Variants in NOBOX observed in about 807,000 individuals in gnomAD.
NOBOX encodes the protein homeobox protein NOBOX.
NOBOX carries 46 observed loss-of-function variants against 60.2 expected under a neutral mutation model. The observed-to-expected ratio is 0.76, with a 90% CI of 0.60 to 0.98. The LOEUF (loss-of-function observed/expected upper bound fraction) is 0.98. NOBOX is among the 50% of genes least tolerant of loss of function. The probability of loss-of-function intolerance (pLI) is 0.00; values close to 1 mark genes in which losing one functional copy is unlikely to be tolerated. For synonymous variants in NOBOX, 360 were observed against 346.3 expected (o/e 1.04, Z -0.44); for missense variants, 880 against 865.5 (o/e 1.02, Z -0.21).
rs1490585093 is a variant in NOBOX at position 144,401,672 on chromosome 7, C to T, written c.293-75G>A. The T allele has an allele frequency of 1.4e-6, 2 of 1,419,226 alleles. No individual in the cohort carries two copies. The highest frequency in any genetic ancestry group is 1.9e-6 in the Non-Finnish European group (2 of 1,064,666). 87.9% of individuals were successfully genotyped at this position (1,419,226 alleles called of 1,614,324 possible). Reference sequence around the variant, plus strand: ...CTGGACCAAGAGGAAGTGCTGCTTCCTGCTTTGCAAACGGTTTGATCTTAA... The same window carrying T: ...CTGGACCAAGAGGAAGTGCTGCTTCTTGCTTTGCAAACGGTTTGATCTTAA... On this transcript the variant is annotated intron_variant, in intron 3 of 9. Transcript: ENST00000467773. The surrounding 1 kb of genome is among the most constrained non-coding windows in gnomAD (Gnocchi z 4.2).
rs981361509 is a variant in NOBOX at position 144,403,841 on chromosome 7, C to T, written c.210+715G>A. 1.0e-3 allele frequency: 359 copies of T among 350,380 alleles called. 1 individual carries two copies. The highest frequency in any genetic ancestry group is 7.2e-3 in the African/African-American group (330 of 45,562). The allele number at this position is 350,380 out of a possible 1,614,324, so 21.7% of individuals were successfully genotyped here. On this transcript the variant is annotated intron_variant, in intron 2 of 9. Transcript: ENST00000467773. ...GGCTGCGCCCCCTCACCCCCACCCC[C>T]ACCCCCAGGGCGAGGCCGGCCCGGG...
At chr7:144,400,745 C>T (rs931420306) in intron 4 of NOBOX, among the ~76,000 whole-genome samples, 2 of 152,146 alleles carry the variant, frequency 1.3e-5, no homozygotes, top group African/African-American at 4.8e-5. Flanking sequence ...ACCATGATGG[C>T]CAGGCTGGTC....
Position 144,404,581 on chromosome 7 carries a change from A to G in NOBOX, c.185T>C (p.Leu62Pro), listed in dbSNP as rs775258475. Residue 62 changes from leucine (L) to proline (P), a missense_variant, in exon 2 of 10, where the codon CTT (leucine) becomes CCT (proline). Leu to Pro is a moderately conservative substitution (Grantham distance 98). Transcript: ENST00000467773. ...TGATTTGAGGGTCTCCAGAGCACAA[A>G]GGCTGCACCGGATGATGAAGAAGGA... 14 of 1,613,612 alleles carry G rather than the reference A, an allele frequency of 8.7e-6. No homozygotes were observed. The highest frequency in any genetic ancestry group is 3.3e-5 in the Admixed American group (2 of 60,026).
In NOBOX at chr7:144,398,406, C is replaced by T. The variant is rs758092022; in HGVS notation, c.1650G>A (p.Thr550=). The stretch of plus-strand genomic sequence containing the variant: ...AGAGAGAGTCTTCGGGCGGTGGAAG[C>T]GTCAGTGAACTGGGCATGGAGAAGG... Residue 550 remains threonine (T), a synonymous_variant, in exon 9 of 10, where the codon ACG becomes ACA. Transcript: ENST00000467773. The T allele has an allele frequency of 2.1e-5, 33 of 1,536,990 alleles. No individual in the cohort carries two copies. Among genetic ancestry groups the T allele is most frequent in the South Asian group, 4.8e-5 (4 of 84,052 alleles).
Position 144,399,426 on chromosome 7 carries a change from G to A in NOBOX, c.1211C>T (p.Pro404Leu). The change falls in exon 7 of 10, where the codon CCT becomes CTT. Residue 404 changes from proline (P) to leucine (L), a missense_variant. By Grantham distance (98) the Pro-to-Leu change is moderately conservative (BLOSUM62 -3). Coordinates refer to ENST00000467773, the MANE Select transcript of NOBOX (RefSeq NM_001080413.3). ...AAAGGTATCCAGAGGGGACTCCTGA[G>A]GGAAAGGGTCAGGCTTTGGCTCCAT... 1 of 1,588,412 alleles carries A rather than the reference G, an allele frequency of 6.3e-7. No homozygotes were observed. The highest frequency in any genetic ancestry group is 8.6e-7 in the Non-Finnish European group (1 of 1,167,210).
intron 1 of NOBOX, among the ~76,000 whole-genome samples, chr7:144,405,869 C>T (rs372910258): frequency 8.6e-5 from 13 of 152,012 alleles, no homozygotes; most frequent in Admixed American, 8.5e-4. Flanking sequence ...AATTTTTGTG[C>T]GTTTCAGAGT....
chr7:144,397,205 C>T (rs1240779884), downstream of NOBOX: 1 of 1,499,042 alleles, frequency 6.7e-7, no homozygotes. Context: ...TCCTATCCCA[C>T]CCAAGCAGCC....
Position 144,399,566 on chromosome 7 carries a change from C to T in NOBOX, c.1155-84G>A, listed in dbSNP as rs900432190. On this transcript the variant is annotated intron_variant, in intron 6 of 9. Coordinates refer to ENST00000467773, the MANE Select transcript of NOBOX (RefSeq NM_001080413.3). ...CTCATTGCCAGGAGAGACACCAATT[C>T]CCAAACTCTGCCTCCTACAGGGCAT... The T allele has an allele frequency of 3.2e-6, 4 of 1,264,230 alleles. No homozygotes were observed. The African/African-American group carries it at 5.9e-5, about 19-fold the overall frequency. 78.3% of individuals were successfully genotyped at this position (1,264,230 alleles called of 1,614,324 possible). A position where few individuals can be genotyped will look rare whatever the true frequency, so the allele number is the denominator to read the frequency against.
Position 144,397,337 on chromosome 7 carries a change from A to C in NOBOX, c.1979T>G (p.Leu660Arg). The C allele has an allele frequency of 6.5e-7, 1 of 1,537,154 alleles. No individual in the cohort carries two copies. The highest frequency in any genetic ancestry group is 8.7e-7 in the Non-Finnish European group (1 of 1,146,882). Reference sequence around the variant, plus strand: ...TGGTGGTTCCTCTTTTGCCTTGCTGAGTAAGGGCCCAGTCCCTGGTCTGGC... The same window carrying C: ...TGGTGGTTCCTCTTTTGCCTTGCTGCGTAAGGGCCCAGTCCCTGGTCTGGC... The change falls in exon 10 of 10, where the codon CTC (leucine) becomes CGC (arginine). Residue 660 changes from leucine to arginine, a missense_variant. Leu to Arg is a moderately radical substitution (Grantham distance 102). Transcript: ENST00000467773.
At chr7:144,407,611 A>G (rs1290148464) in intron 1 of NOBOX, among the ~76,000 whole-genome samples, 1 of 152,258 alleles carries the variant, frequency 6.6e-6, no homozygotes, top group African/African-American at 2.4e-5. Flanking sequence ...GACCGATGAC[A>G]GGGAAAAAGT....
intron 4 of NOBOX, among the ~76,000 whole-genome samples, chr7:144,400,560 C>T (rs935036623): frequency 1.3e-4 from 20 of 152,166 alleles, no homozygotes; most frequent in African/African-American, 2.2e-4. Flanking sequence ...CTTTTTTAGA[C>T]GGAGTCTCAC....
In NOBOX at chr7:144,401,803, T is replaced by A; in HGVS notation, c.292+66A>T. ...GATAACCCAACTTCTTTGAAAAATG[T>A]AGACAAATTTATGCAATTCTGAGAC... On this transcript the variant is annotated intron_variant, in intron 3 of 9. Coordinates refer to ENST00000467773, the MANE Select transcript of NOBOX (RefSeq NM_001080413.3). The surrounding 1 kb of genome is among the most constrained non-coding windows in gnomAD (Gnocchi z 4.2). 8.0e-7 allele frequency: 1 copy of A among 1,248,108 alleles called. No homozygotes were observed. The allele number at this position is 1,248,108 out of a possible 1,614,324, so 77.3% of individuals were successfully genotyped here.
Position 144,398,492 on chromosome 7 carries a change from C to A in NOBOX, c.1564G>T (p.Ala522Ser). 6.5e-7 allele frequency: 1 copy of A among 1,536,932 alleles called. No individual in the cohort carries two copies. The highest frequency in any genetic ancestry group is 8.7e-7 in the Non-Finnish European group (1 of 1,146,820). ...GACTGGAAAAGCGGGGGCTGTGGAG[C>A]CTGGGAGAACTGGAAGGGTCCTGGC... is the stretch of plus-strand genomic sequence containing the variant. The change falls in exon 9 of 10, where the codon GCT becomes TCT. Residue 522 changes from alanine (A) to serine (S), a missense_variant. Coordinates refer to ENST00000467773, the MANE Select transcript of NOBOX (RefSeq NM_001080413.3).
intron 1 of NOBOX, chr7:144,410,069 G>A: frequency 1.0e-6 from 1 of 964,248 alleles, no homozygotes; most frequent in Admixed American, 2.1e-5. Context: ...CTCAGTGTAT[G>A]GGAAGACAAC....
chr7:144,406,634 G>T (rs2053987617), intron 1 of NOBOX, among the ~76,000 whole-genome samples: 1 of 152,116 alleles, frequency 6.6e-6, no homozygotes, highest in African/African-American at 2.4e-5. Flanking sequence ...AATATAGTTG[G>T]ATGTTTTGTT....
At chr7:144,405,601 C>T (rs1216066743) in intron 1 of NOBOX, among the ~76,000 whole-genome samples, 1 of 152,208 alleles carries the variant, frequency 6.6e-6, no homozygotes, top group Non-Finnish European at 1.5e-5. Context: ...TGACCCCTGA[C>T]TGCCAGGATG....
intron 4 of NOBOX, among the ~76,000 whole-genome samples, chr7:144,400,649 T>C (rs533462495): frequency 6.6e-6 from 1 of 152,348 alleles, no homozygotes; most frequent in East Asian, 1.9e-4. Flanking sequence ...GCAATTCCCC[T>C]GCTTCGACCT....
chr7:144,409,772 CCCATGAGAAG>C (rs1244635559), intron 1 of NOBOX, among the ~76,000 whole-genome samples: 2 of 152,124 alleles, frequency 1.3e-5, no homozygotes, highest in Non-Finnish European at 1.5e-5. Flanking sequence ...TAGTCCCAAA[CCCATGAGAAG>C]CCATGAGGCT....
rs755080789 is a variant in NOBOX at position 144,401,548 on chromosome 7, TTCC to T, written c.339_341del (p.Glu114del). 1 of 1,513,450 alleles carries T rather than the reference TTCC, an allele frequency of 6.6e-7. No individual in the cohort carries two copies. Among genetic ancestry groups the T allele is most frequent in the Non-Finnish European group, 8.8e-7 (1 of 1,136,436 alleles). The allele number at this position is 1,513,450 out of a possible 1,614,324, so 93.8% of individuals were successfully genotyped here. On this transcript the variant is annotated inframe_deletion, in exon 4 of 10. Coordinates refer to ENST00000467773, the MANE Select transcript of NOBOX (RefSeq NM_001080413.3). The surrounding 1 kb of genome is among the most constrained non-coding windows in gnomAD (Gnocchi z 4.2). The stretch of plus-strand genomic sequence containing the variant: ...CATGAGGGGCTGAGCCCCGGAGCAG[TTCC>T]TCCTCCCCGGGTCCTGCAGCCAGGG...
Sources: gnomAD v4.1 joint callset for allele counts (sites outside exome capture counted in the v4.1 genomes callset) on GRCh38, gnomAD v4.1.1 for gene constraint, Gnocchi (gnomAD v3.1) non-coding constraint, MANE v1.5 for transcripts, NCBI Gene and HGNC (gene_info 2026-07-23, HGNC 2026-07-21) for gene names.